The following TXNRD1 variants were observed in gnomAD, a reference collection of about 807,000 sequenced individuals.
The protein encoded by TXNRD1 is thioredoxin reductase 1, cytoplasmic.
TXNRD1 carries 57 observed loss-of-function variants against 80.3 expected under a neutral mutation model. The observed-to-expected ratio is 0.71, with a 90% CI of 0.57 to 0.89. The LOEUF is 0.89. Among genes scored for constraint, TXNRD1 ranks in the 40% least tolerant of loss-of-function variants. TXNRD1 has a pLI of 0.00. For synonymous variants in TXNRD1, 291 were observed against 285.2 expected, an observed-to-expected ratio of 1.02 and a Z score of -0.20; for missense variants, 730 against 803.0, an observed-to-expected ratio of 0.91 and a Z score of 1.10.
At chr12:104,306,532 T>C (rs1414279122) in intron 4 of TXNRD1, among the ~76,000 whole-genome samples, 1 of 152,054 alleles carries the variant, frequency 6.6e-6, no homozygotes, top group Non-Finnish European at 1.5e-5. Context: ...TCCTAGTAAG[T>C]CTAGTGGTAC....
chr12:104,227,282 G>T (rs1002553721), intron 1 of TXNRD1, among the ~76,000 whole-genome samples: 14 of 151,826 alleles, frequency 9.2e-5, no homozygotes, highest in Non-Finnish European at 2.1e-4. Flanking sequence ...TCTTTTTGGA[G>T]AAAGGGTCTT....
intron 16 of TXNRD1, among the ~76,000 whole-genome samples, chr12:104,341,837 C>A (rs1366423225): frequency 6.6e-6 from 1 of 152,218 alleles, no homozygotes; most frequent in Admixed American, 6.5e-5. Flanking sequence ...GCCTCCTGTA[C>A]TTCTGACCTA....
chr12:104,286,965 G>C (rs571590518), intron 3 of TXNRD1: 34 of 1,225,574 alleles, frequency 2.8e-5, no homozygotes, highest in Non-Finnish European at 3.4e-5. Flanking sequence ...TAGCCCGCCC[G>C]CTCGGCGCAG....
At chr12:104,341,381 C>T (rs1189778216) in intron 16 of TXNRD1, among the ~76,000 whole-genome samples, 1 of 152,138 alleles carries the variant, frequency 6.6e-6, no homozygotes, top group African/African-American at 2.4e-5. Context: ...GTACACAGTG[C>T]CGTGCTGGAC....
intron 1 of TXNRD1, among the ~76,000 whole-genome samples, chr12:104,237,074 CCT>C (rs758493988): frequency 7.0e-4 from 107 of 152,224 alleles, no homozygotes; most frequent in Non-Finnish European, 1.2e-3. Context: ...ATCAAAAAAA[CCT>C]CTGTTTTCCT....
At chr12:104,257,249 T>G (rs972532646) in intron 2 of TXNRD1, among the ~76,000 whole-genome samples, 1 of 152,048 alleles carries the variant, frequency 6.6e-6, no homozygotes, top group East Asian at 1.9e-4. Flanking sequence ...TTTGTTTGTT[T>G]TATTTAATAG....
rs4576900 is a variant in TXNRD1, at chr12:104,348,554, C to T, written c.*133C>T. 31,960 of 761,794 alleles carry T rather than the reference C, an allele frequency of 0.042. 1,140 individuals are homozygous for T. Among genetic ancestry groups the T allele is most frequent in the African/African-American group, 0.11 (6,592 of 57,708 alleles). 47.2% of individuals were successfully genotyped at this position (761,794 alleles called of 1,614,324 possible). A position where few individuals can be genotyped will look rare whatever the true frequency, so the allele number is the denominator to read the frequency against. ...GTCCTGTGCTTACCACCGCCCAAGG[C>T]CCCCTTGGATCTCTTGGATAGGAGT... On this transcript the variant is annotated 3_prime_UTR_variant, in exon 17 of 17. Coordinates refer to ENST00000525566, the MANE Select transcript of TXNRD1 (RefSeq NM_001093771.3).
intron 3 of TXNRD1, among the ~76,000 whole-genome samples, chr12:104,260,659 C>G (rs879327496): frequency 2.0e-5 from 3 of 152,090 alleles, no homozygotes; most frequent in Admixed American, 2.0e-4. Context: ...GCTCTTGCCC[C>G]TAAATACTCC....
chr12:104,255,790 T>TCAACAA (rs567452057), intron 2 of TXNRD1, among the ~76,000 whole-genome samples: 111 of 152,242 alleles, frequency 7.3e-4, no homozygotes, highest in African/African-American at 2.4e-3. Flanking sequence ...TGAAACTGTC[T>TCAACAA]CAACAACAAC....
In TXNRD1 at chr12:104,348,579, T is replaced by G. The variant is rs1194388923; in HGVS notation, c.*158T>G. ...CCCCCTTGGATCTCTTGGATAGGAG[T>G]TGGTGAATAGAAGGCAGGCAGCATC... On this transcript the variant is annotated 3_prime_UTR_variant, in exon 17 of 17. Coordinates refer to ENST00000525566, the MANE Select transcript of TXNRD1 (RefSeq NM_001093771.3). 2 of 635,592 alleles carry G rather than the reference T, an allele frequency of 3.1e-6. No individual in the cohort carries two copies. The highest frequency in any genetic ancestry group is 5.5e-5 in the East Asian group (2 of 36,666). The allele number at this position is 635,592 out of a possible 1,614,324, so 39.4% of individuals were successfully genotyped here. A position where few individuals can be genotyped will look rare whatever the true frequency, so the allele number is the denominator to read the frequency against.
intron 3 of TXNRD1, among the ~76,000 whole-genome samples, chr12:104,266,470 G>A (rs890218906): frequency 1.4e-4 from 20 of 145,430 alleles, no homozygotes; most frequent in African/African-American, 4.1e-4. Context: ...AGGTTGCAGT[G>A]AGTTGAGATC....
intron 3 of TXNRD1, among the ~76,000 whole-genome samples, chr12:104,268,078 T>C: frequency 6.6e-6 from 1 of 151,694 alleles, no homozygotes; most frequent in East Asian, 2.0e-4. Flanking sequence ...CTCAAACTCC[T>C]GACCTCAGGT....
intron 7 of TXNRD1, among the ~76,000 whole-genome samples, chr12:104,317,666 G>T (rs1331435689): frequency 6.6e-6 from 1 of 152,160 alleles, no homozygotes; most frequent in Non-Finnish European, 1.5e-5. Context: ...CAAAGCAAGA[G>T]CCTGTCTCTA....
intron 1 of TXNRD1, among the ~76,000 whole-genome samples, chr12:104,229,892 A>G (rs1164942986): frequency 6.6e-6 from 1 of 151,352 alleles, no homozygotes; most frequent in Non-Finnish European, 1.5e-5. Context: ...TGCCCGGGCA[A>G]TTTTTATTTC....
intron 4 of TXNRD1, among the ~76,000 whole-genome samples, chr12:104,291,433 T>C (rs994290531): frequency 6.7e-5 from 10 of 149,864 alleles, no homozygotes; most frequent in African/African-American, 2.0e-4. Flanking sequence ...ACTCCTGACC[T>C]TGTAGTCCAA....
At chr12:104,335,496 G>A (rs1017653127) in intron 15 of TXNRD1, among the ~76,000 whole-genome samples, 7 of 152,160 alleles carry the variant, frequency 4.6e-5, no homozygotes, top group South Asian at 4.1e-4. Flanking sequence ...CACCGCGCCC[G>A]GCCTATTACA....
At chr12:104,228,469 T>C (rs1026717534) in intron 1 of TXNRD1, among the ~76,000 whole-genome samples, 2 of 151,500 alleles carry the variant, frequency 1.3e-5, no homozygotes, top group Non-Finnish European at 2.9e-5. Flanking sequence ...CCGTCTCTAC[T>C]AAAAATACAA....
intron 4 of TXNRD1, among the ~76,000 whole-genome samples, chr12:104,308,694 C>T (rs74377274): frequency 0.015 from 2,316 of 152,118 alleles, 60 homozygotes; most frequent in African/African-American, 0.052. Flanking sequence ...AGTCAGCGGA[C>T]ATAATTTCAA....
At chr12:104,322,364 T>A (rs1024514068) in intron 10 of TXNRD1, among the ~76,000 whole-genome samples, 1 of 148,272 alleles carries the variant, frequency 6.7e-6, no homozygotes. Context: ...TAGCTGTTTT[T>A]TATTTTTACC....
Sources: gnomAD v4.1 joint callset for allele counts (sites outside exome capture counted in the v4.1 genomes callset) on GRCh38, gnomAD v4.1.1 for gene constraint, MANE v1.5 for transcripts, NCBI Gene and HGNC (gene_info 2026-07-23, HGNC 2026-07-21) for gene names.